Variants in NAF1 observed in about 807,000 individuals in gnomAD.
NAF1 encodes the protein H/ACA ribonucleoprotein complex non-core subunit NAF1.
A neutral mutation model predicts 40.6 loss-of-function variants in NAF1; 11 were observed. The observed-to-expected ratio is 0.27, with a 90% CI of 0.17 to 0.45. The LOEUF is 0.45. NAF1 is among the 20% of genes least tolerant of loss of function. NAF1 has a pLI of 1.00. For synonymous variants in NAF1, 260 were observed against 228.5 expected (o/e 1.14, Z -1.24); for missense variants, 607 against 611.1 (o/e 0.99, Z 0.07).
intron 2 of NAF1, among the ~76,000 whole-genome samples, chr4:163,160,802 T>C (rs1449224875): frequency 6.6e-6 from 1 of 152,132 alleles, no homozygotes; most frequent in African/African-American, 2.4e-5. Flanking sequence ...GTGTATATCT[T>C]TTGGCAGAAA....
downstream of NAF1, among the ~76,000 whole-genome samples, chr4:163,125,246 A>T (rs1730622499): frequency 6.6e-6 from 1 of 152,228 alleles, no homozygotes; most frequent in African/African-American, 2.4e-5. Context: ...TACATCTCTC[A>T]CTTTACATCA....
At chr4:163,109,824 G>A (rs1442690755), downstream of NAF1, among the ~76,000 whole-genome samples, 1 of 152,210 alleles carries the variant, frequency 6.6e-6, no homozygotes, top group East Asian at 1.9e-4. Context: ...CATCTTCAGT[G>A]AGTTTGAGAG....
chr4:163,145,728 A>T (rs1731437214), intron 4 of NAF1, 54 bp downstream of exon 4: 12 of 1,217,964 alleles, frequency 9.9e-6, no homozygotes, highest in Non-Finnish European at 1.3e-5. Flanking sequence ...GGAAAGTCAG[A>T]AAAAAACAAT....
At chr4:163,115,078 CATA>C (rs1191479818) in intron 2 of NAF1, among the ~76,000 whole-genome samples, 1 of 151,848 alleles carries the variant, frequency 6.6e-6, no homozygotes, top group Non-Finnish European at 1.5e-5. Context: ...AGACTTTCTT[CATA>C]ATGTCATCAT....
chr4:163,120,011 A>C (rs1307590929), intron 2 of NAF1: 2 of 152,262 alleles, frequency 1.3e-5, no homozygotes, highest in African/African-American at 4.8e-5. Context: ...AAAGAAAATT[A>C]ATCATTTGCT....
rs760881784 is a variant in NAF1 at position 163,140,273 on chromosome 4, A to G, written c.828T>C (p.Ala276=). The G allele has an allele frequency of 6.8e-6, 11 of 1,607,412 alleles. No homozygotes were observed. The East Asian group carries it at 2.2e-4, about 33-fold the overall frequency. ...ATTGAGTGAAATCTTTCATTGATGG[A>G]GCAAAATACATAGTCTCCTTTATTT... The part of the protein sequence containing the change: ...GIKIKETMYF[A]PSMKDFTQYI... Residue 276 remains alanine, a synonymous_variant, in exon 5 of 8, where the codon GCT becomes GCC. Coordinates refer to ENST00000274054, the MANE Select transcript of NAF1 (RefSeq NM_138386.3).
chr4:163,108,207 T>C (rs1428536603), downstream of NAF1, among the ~76,000 whole-genome samples: 1 of 152,216 alleles, frequency 6.6e-6, no homozygotes, highest in East Asian at 1.9e-4. Context: ...AGATCTTATG[T>C]CATTCTACTC....
Position 163,129,059 on chromosome 4 carries a change from TGGGGGTGGAGGGCGGA to T in NAF1, c.1307_1322del (p.Leu436HisfsTer7). ...CCATGTTTACAGGTGGGGGTGGTGG[TGGGGGTGGAGGGCGGA>T]GGGGAAAATTATGCATGTCAAACAC... is the stretch of plus-strand genomic sequence containing the variant. On this transcript the variant is annotated frameshift_variant, in exon 8 of 8. Transcript: ENST00000274054. LOFTEE classifies it high-confidence loss of function. The T allele has an allele frequency of 2.3e-6, 1 of 440,266 alleles. No homozygotes were observed. The highest frequency in any genetic ancestry group is 3.4e-6 in the Non-Finnish European group (1 of 296,470). The allele number at this position is 440,266 out of a possible 1,614,324, so 27.3% of individuals were successfully genotyped here.
rs1437443818 is a variant in NAF1, at chr4:163,129,037, T to C, written c.1345A>G (p.Met449Val). ...GCCATGTTTGGTGTAGCCCAACCCATGTTTACAGGTGGGGGTGGTGGTGGG... is the reference window on the plus strand; with the variant it reads ...GCCATGTTTGGTGTAGCCCAACCCACGTTTACAGGTGGGGGTGGTGGTGGG... Reference protein sequence around the residue: ...PPPPPPPPVNMGWATPNMAAH... With the variant: ...PPPPPPPPVNVGWATPNMAAH... Residue 449 changes from methionine to valine, a missense_variant, in exon 8 of 8, where the codon ATG (methionine) becomes GTG (valine). Around this residue, in one of 3 missense-constraint regions of NAF1, gnomAD observed 189 missense variants for 216.6 expected, o/e 0.87. Transcript: ENST00000274054. 3 of 1,534,618 alleles carry C rather than the reference T, an allele frequency of 2.0e-6. No individual in the cohort carries two copies. Among genetic ancestry groups the C allele is most frequent in the Non-Finnish European group, 1.8e-6 (2 of 1,141,146 alleles).
intron 2 of NAF1, chr4:163,119,501 C>T (rs1730452885): frequency 6.6e-6 from 1 of 152,134 alleles, no homozygotes; most frequent in South Asian, 2.1e-4. Flanking sequence ...GGAACCAGAG[C>T]CCACACTAAT....
At chr4:163,162,594 AATTT>A (rs1477252524) in intron 2 of NAF1, among the ~76,000 whole-genome samples, 1 of 152,188 alleles carries the variant, frequency 6.6e-6, no homozygotes, top group Admixed American at 6.5e-5. Flanking sequence ...TTAGCAATTA[AATTT>A]ATTTGTCTCC....
At chr4:163,164,047 G>C (rs1732340700) in intron 2 of NAF1, among the ~76,000 whole-genome samples, 170 bp downstream of exon 2, 1 of 152,122 alleles carries the variant, frequency 6.6e-6, no homozygotes, top group Non-Finnish European at 1.5e-5. Context: ...AAATTATCCA[G>C]ATCACTACTC....
intron 2 of NAF1, among the ~76,000 whole-genome samples, chr4:163,113,775 T>A (rs1176442003): frequency 6.6e-6 from 1 of 152,248 alleles, no homozygotes; most frequent in Admixed American, 6.5e-5. Context: ...CCCACAATAA[T>A]GTTTATTGCA....
downstream of NAF1, among the ~76,000 whole-genome samples, chr4:163,126,391 T>C (rs945772451): frequency 6.6e-6 from 1 of 152,150 alleles, no homozygotes; most frequent in African/African-American, 2.4e-5. Context: ...ATTAATAATT[T>C]TGAGGTGTTT....
At chr4:163,165,728 T>G (rs1231581038) in intron 1 of NAF1, among the ~76,000 whole-genome samples, 3 of 152,156 alleles carry the variant, frequency 2.0e-5, no homozygotes, top group African/African-American at 4.8e-5. Context: ...TCCCACATGC[T>G]GGAGTCCTCT....
rs368566991 is a variant in NAF1 at position 163,140,183 on chromosome 4, G to A, written c.878+40C>T. 1.6e-5 allele frequency: 23 copies of A among 1,471,440 alleles called. No individual in the cohort carries two copies. In the East Asian group the frequency reaches 2.4e-4, roughly 15 times the overall value. 91.1% of individuals were successfully genotyped at this position (1,471,440 alleles called of 1,614,324 possible). A position where few individuals can be genotyped will look rare whatever the true frequency, so the allele number is the denominator to read the frequency against. ...TGAGAATTATTCTTAAAATATAAAC[G>A]TTAGGTAAGTGAAGAACAACATGCC... is the stretch of plus-strand genomic sequence containing the variant. On this transcript the variant is annotated intron_variant, in intron 5 of 7. Transcript: ENST00000274054.
chr4:163,163,825 T>C (rs1732329127), intron 2 of NAF1, among the ~76,000 whole-genome samples: 1 of 152,148 alleles, frequency 6.6e-6, no homozygotes, highest in African/African-American at 2.4e-5. Context: ...CAAAATTTTC[T>C]GACGTGCAGA....
intron 2 of NAF1, chr4:163,117,319 T>C (rs1730368330): frequency 6.6e-6 from 1 of 152,168 alleles, no homozygotes; most frequent in African/African-American, 2.4e-5. Flanking sequence ...CATTTTCTAA[T>C]ATTGCACTTA....
chr4:163,118,241 G>C (rs530260745), intron 2 of NAF1, among the ~76,000 whole-genome samples: 3 of 152,266 alleles, frequency 2.0e-5, no homozygotes, highest in African/African-American at 7.2e-5. Flanking sequence ...GCGGTATCTA[G>C]AAACAAGGTT....
Sources: gnomAD v4.1 joint callset for allele counts (sites outside exome capture counted in the v4.1 genomes callset) on GRCh38, gnomAD v4.1.1 for gene constraint, gnomAD v4.1.1 regional missense constraint, MANE v1.5 for transcripts, NCBI Gene and HGNC (gene_info 2026-07-23, HGNC 2026-07-21) for gene names.